PHLDB2: variants seen among roughly 807,000 people sequenced by gnomAD.
PHLDB2 encodes the protein pleckstrin homology like domain family B member 2.
Under a neutral mutation model 123.6 loss-of-function variants are expected in PHLDB2, and 71 were observed. The ratio of observed to expected loss-of-function variants is 0.57; its 90% CI spans 0.47 to 0.70. The LOEUF (loss-of-function observed/expected upper bound fraction) is 0.70. Among genes scored for constraint, PHLDB2 ranks in the 30% least tolerant of loss-of-function variants. The pLI is 0.00. For synonymous variants in PHLDB2, 547 were observed against 541.6 expected, an observed-to-expected ratio of 1.01 and a Z score of -0.14; for missense variants, 1,446 against 1,519.5, an observed-to-expected ratio of 0.95 and a Z score of 0.80.
rs776120319 is a variant in PHLDB2 at position 111,966,684 on chromosome 3, C to A, written c.3149C>A (p.Thr1050Lys). 8 of 1,612,788 alleles carry A rather than the reference C, an allele frequency of 5.0e-6. No homozygotes were observed. The highest frequency in any genetic ancestry group is 5.9e-6 in the Non-Finnish European group (7 of 1,179,396). Residue 1050 changes from threonine to lysine, a missense_variant, in exon 14 of 18, where the codon ACG (threonine) becomes AAG (lysine). By Grantham distance (78) the Thr-to-Lys change is moderately conservative. Around this residue, in one of 3 missense-constraint regions of PHLDB2, gnomAD observed 594 missense variants for 646.0 expected, o/e 0.92. Coordinates refer to ENST00000431670, the MANE Select transcript of PHLDB2 (RefSeq NM_001134438.2). Reference sequence around the variant, plus strand: ...TTGAAGCAGGCTCATGCAGAAAAGACGCGGCTGCTCGAATCCAGGGTAAGC... The same window carrying A: ...TTGAAGCAGGCTCATGCAGAAAAGAAGCGGCTGCTCGAATCCAGGGTAAGC... ...RLLKQAHAEKTRLLESREREM... is the reference protein window; with the variant it reads ...RLLKQAHAEKKRLLESREREM...
At chr3:111,836,758 G>A (rs2063422528) in intron 1 of PHLDB2, among the ~76,000 whole-genome samples, 1 of 152,164 alleles carries the variant, frequency 6.6e-6, no homozygotes, top group Admixed American at 6.5e-5. Flanking sequence ...GTGACAGGAG[G>A]TGAGGGGGAC....
chr3:111,816,315 T>C (rs2062075234), intron 1 of PHLDB2, among the ~76,000 whole-genome samples: 1 of 152,134 alleles, frequency 6.6e-6, no homozygotes, highest in African/African-American at 2.4e-5. Flanking sequence ...ACTGTTCACC[T>C]GGAAAAGCCA....
intron 2 of PHLDB2, among the ~76,000 whole-genome samples, chr3:111,849,973 T>C (rs926332885): frequency 1.3e-5 from 2 of 152,198 alleles, no homozygotes; most frequent in South Asian, 4.2e-4. Context: ...GCCATTCTCC[T>C]GCCTCAGCCT....
chr3:111,861,150 A>C (rs1426534132), intron 1 of PHLDB2, among the ~76,000 whole-genome samples: 1 of 152,212 alleles, frequency 6.6e-6, no homozygotes, highest in Non-Finnish European at 1.5e-5. Context: ...TTTGGGATAA[A>C]TAAACCGTTA....
At chr3:111,763,593 C>T (rs763843190) in intron 1 of PHLDB2, among the ~76,000 whole-genome samples, 2 of 152,156 alleles carry the variant, frequency 1.3e-5, no homozygotes, top group Non-Finnish European at 2.9e-5. Flanking sequence ...TACTACTCTA[C>T]TGCAAGGAAA....
chr3:111,794,153 G>A (rs766058957), intron 1 of PHLDB2, among the ~76,000 whole-genome samples: 68 of 152,112 alleles, frequency 4.5e-4, no homozygotes, highest in South Asian at 1.0e-3. Flanking sequence ...CCAGAGTGGC[G>A]ATGCTTTCCA....
At chr3:111,905,107 G>A (rs952998340) in intron 2 of PHLDB2, among the ~76,000 whole-genome samples, 2 of 152,012 alleles carry the variant, frequency 1.3e-5, no homozygotes, top group Non-Finnish European at 2.9e-5. Context: ...CTGTTAAATG[G>A]GGATTAGAAT....
At chr3:111,738,732 TTTG>T (rs1449489675) in intron 1 of PHLDB2, among the ~76,000 whole-genome samples, 2 of 152,174 alleles carry the variant, frequency 1.3e-5, no homozygotes, top group Admixed American at 6.5e-5. Context: ...TCAGTAAATA[TTTG>T]TTGGTGATAC....
Position 111,776,652 on chromosome 3 carries a change from C to T in PHLDB2, c.-49+43949C>T, listed in dbSNP as rs2060271876. 2.0e-5 allele frequency among the ~76,000 whole-genome samples: 3 copies of T among 152,096 alleles called. No individual in the cohort carries two copies. The South Asian group carries it at 6.2e-4, about 31-fold the overall frequency. On this transcript the variant is annotated intron_variant, in intron 1 of 17. Coordinates refer to the PHLDB2 transcript ENST00000393923. ...ATAACTCATACACCTAGATGTAGAA[C>T]TCCAAGAATCTAGGCCTGCATAAGA...
intron 1 of PHLDB2, among the ~76,000 whole-genome samples, chr3:111,785,203 G>A (rs1215754887): frequency 2.6e-5 from 4 of 151,982 alleles, no homozygotes; most frequent in African/African-American, 4.8e-5. Flanking sequence ...ACATGTTTGT[G>A]AGCCATTTTA....
At chr3:111,891,981 T>C (rs577087611) in intron 2 of PHLDB2, among the ~76,000 whole-genome samples, 166 of 152,292 alleles carry the variant, frequency 1.1e-3, no homozygotes, top group African/African-American at 3.8e-3. Context: ...ACAAATTGCA[T>C]TGTAGCCATC....
chr3:111,954,095 A>G, intron 12 of PHLDB2, 66 bp downstream of exon 12: 1 of 1,409,358 alleles, frequency 7.1e-7, no homozygotes. Context: ...AGGGGGAGGA[A>G]GTGAGAACAG....
chr3:111,952,189 C>T (rs1454529875), intron 10 of PHLDB2, among the ~76,000 whole-genome samples: 8 of 152,124 alleles, frequency 5.3e-5, no homozygotes, highest in Non-Finnish European at 8.8e-5. Context: ...GTCCTCTTCT[C>T]ACTGGTATCT....
intron 5 of PHLDB2, among the ~76,000 whole-genome samples, chr3:111,928,778 T>C (rs1191950805): frequency 6.6e-6 from 1 of 152,216 alleles, no homozygotes; most frequent in Non-Finnish European, 1.5e-5. Flanking sequence ...CATGAATTTG[T>C]GACCCAACTG....
rs114302933 is a variant in PHLDB2 at position 111,862,693 on chromosome 3, A to T, written c.-15+3117A>T. Reference sequence around the variant, plus strand: ...GTTAAACAAGAGACCCTTATCATAGAAGCCGTTTTGTATGCAGCAGATTCT... The same window carrying T: ...GTTAAACAAGAGACCCTTATCATAGTAGCCGTTTTGTATGCAGCAGATTCT... On this transcript the variant is annotated intron_variant, in intron 1 of 17. Coordinates refer to ENST00000431670, the MANE Select transcript of PHLDB2 (RefSeq NM_001134438.2). 4.9e-3 allele frequency among the ~76,000 whole-genome samples: 752 copies of T among 152,262 alleles called. 9 individuals carry two copies. The highest frequency in any genetic ancestry group is 0.017 in the African/African-American group (712 of 41,546).
chr3:111,831,294 C>T (rs933131651), intron 1 of PHLDB2, among the ~76,000 whole-genome samples: 12 of 152,032 alleles, frequency 7.9e-5, no homozygotes, highest in Admixed American at 2.0e-4. Context: ...AAAAGGATTT[C>T]GAAAGAGACT....
intron 1 of PHLDB2, among the ~76,000 whole-genome samples, chr3:111,874,535 G>T (rs997407814): frequency 3.3e-5 from 5 of 152,140 alleles, no homozygotes; most frequent in African/African-American, 9.6e-5. Context: ...ATTCAGGAGT[G>T]GGGGTTAACA....
At chr3:111,750,094 ATGAGTACC>A (rs2059744549) in intron 1 of PHLDB2, among the ~76,000 whole-genome samples, 5 of 152,392 alleles carry the variant, frequency 3.3e-5, no homozygotes, top group Admixed American at 2.6e-4. Context: ...AAGGGGTTAT[ATGAGTACC>A]CAACAGCTGC....
At chr3:111,872,320 C>T (rs1412077528) in intron 1 of PHLDB2, among the ~76,000 whole-genome samples, 2 of 152,176 alleles carry the variant, frequency 1.3e-5, no homozygotes, top group East Asian at 3.9e-4. Context: ...AAACCCAAAA[C>T]AAACACATCA....
Sources: allele counts gnomAD v4.1 joint callset (sites outside exome capture counted in the v4.1 genomes callset), GRCh38; gene constraint gnomAD v4.1.1; regional missense constraint gnomAD v4.1.1; transcripts MANE v1.5; gene names NCBI Gene and HGNC (gene_info 2026-07-23, HGNC 2026-07-21).